Variants in H2BC18 observed in about 807,000 individuals in gnomAD.
The protein encoded by H2BC18 is H2B clustered histone 18.
In H2BC18, 8 loss-of-function variants were observed where a neutral mutation model predicts 6.3. That is an observed-to-expected ratio of 1.28 (90% CI 0.75 to 2.31). The LOEUF is 2.31. H2BC18 is among the 30% of genes most tolerant of loss of function. The pLI is 0.00. For missense variants in H2BC18, 106 were observed against 174.5 expected (o/e 0.61, Z 2.21); for synonymous variants, 104 against 78.1 (o/e 1.33, Z -1.75).
At chr1:149,793,550 T>C (rs2091763934) in intron 1 of H2BC18, among the ~76,000 whole-genome samples, 1 of 151,764 alleles carries the variant, frequency 6.6e-6, no homozygotes, top group Non-Finnish European at 1.5e-5. Context: ...GGGTCGGACT[T>C]AGAGGGGTGG....
intron 1 of H2BC18, chr1:149,803,827 T>G (rs1184478111): frequency 6.6e-6 from 1 of 152,260 alleles, no homozygotes; most frequent in Admixed American, 6.5e-5. Flanking sequence ...AAAGAAATCT[T>G]AAGGTCTTCG....
chr1:149,789,310 A>G (rs1553751331), intron 1 of H2BC18, among the ~76,000 whole-genome samples: 1 of 152,088 alleles, frequency 6.6e-6, no homozygotes, highest in African/African-American at 2.4e-5. Context: ...GGAGAATAGC[A>G]TGAACCCGGG....
At chr1:149,801,650 G>A (rs1362652075) in intron 1 of H2BC18, among the ~76,000 whole-genome samples, 10 of 149,002 alleles carry the variant, frequency 6.7e-5, no homozygotes, top group East Asian at 5.9e-4. Context: ...TACACTATAC[G>A]ATGGCATATC....
rs782055162 is a variant in H2BC18 at position 149,812,147 on chromosome 1, G to A, written c.177C>T (p.Ala59=). The part of the protein sequence containing the change: ...VHPDTGISSK[A]MGIMNSFVND... ...TGACGAAGGAGTTCATGATGCCCAT[G>A]GCCTTGGACGAGATGCCGGTGTCGG... Residue 59 remains alanine, a synonymous_variant, in exon 1 of 1, where the codon GCC becomes GCT. Transcript: ENST00000369167. 6 of 1,614,156 alleles carry A rather than the reference G, an allele frequency of 3.7e-6. No individual in the cohort carries two copies. In the African/African-American group the frequency reaches 5.3e-5, roughly 14 times the overall value.
At chr1:149,790,918 G>T (rs1435121068) in intron 1 of H2BC18, among the ~76,000 whole-genome samples, 10 of 143,812 alleles carry the variant, frequency 7.0e-5, no homozygotes, top group Middle Eastern at 3.5e-3. Flanking sequence ...AAGTCTCCTT[G>T]GGGGGGAAAA....
chr1:149,786,456 C>T (rs1171297642), intron 1 of H2BC18: 1 of 152,166 alleles, frequency 6.6e-6, no homozygotes, highest in Non-Finnish European at 1.5e-5. Flanking sequence ...TACAATACAC[C>T]AACATTTTTG....
At chr1:149,784,059 G>T in intron 1 of H2BC18, 3 of 1,610,748 alleles carry the variant, frequency 1.9e-6, no homozygotes, top group Non-Finnish European at 2.5e-6. Context: ...GTTCCAAGAG[G>T]AAACCGTAAC....
chr1:149,797,657 G>A (rs1410380037), intron 1 of H2BC18, among the ~76,000 whole-genome samples: 2 of 152,130 alleles, frequency 1.3e-5, no homozygotes, highest in Admixed American at 1.3e-4. Context: ...GAGTGCAGTG[G>A]CATGATCTCA....
intron 1 of H2BC18, chr1:149,789,908 G>T (rs1391437699): frequency 6.6e-7 from 1 of 1,514,676 alleles, no homozygotes; most frequent in African/African-American, 1.4e-5. Flanking sequence ...CCCAAGAATG[G>T]CTCTCTGCTG....
In H2BC18 at chr1:149,790,048, C is replaced by T. The variant is rs2091664423; in HGVS notation, c.378-6788G>A. On this transcript the variant is annotated intron_variant, in intron 1 of 1. Transcript: ENST00000545683. Reference sequence around the variant, plus strand: ...CAACCTTGTCCCCCATCAACTTTCTCCTTAGAGCTATTTCCAGCTCCAGTG... The same window carrying T: ...CAACCTTGTCCCCCATCAACTTTCTTCTTAGAGCTATTTCCAGCTCCAGTG... The T allele has an allele frequency of 1.9e-6, 3 of 1,613,332 alleles. No individual in the cohort carries two copies. The Admixed American group carries it at 5.0e-5, about 27-fold the overall frequency.
chr1:149,812,190 A>C lies in H2BC18; in HGVS notation c.134T>G (p.Val45Gly). 1.2e-6 allele frequency: 2 copies of C among 1,614,240 alleles called. No homozygotes were observed. The highest frequency in any genetic ancestry group is 1.7e-6 in the Non-Finnish European group (2 of 1,180,040). Residue 45 changes from valine to glycine, a missense_variant, in exon 1 of 1, where the codon GTG (valine) becomes GGG (glycine). Physicochemically the swap from Val to Gly is moderately radical, Grantham distance 109. Transcript: ENST00000369167. The stretch of plus-strand genomic sequence containing the variant: ...GGTGTCGGGGTGGACCTGCTTCAGC[A>C]CCTTGTACACGTAAACGGAGTAGCT... ...KESYSVYVYK[V>G]LKQVHPDTGI...
downstream of H2BC18, chr1:149,811,692 C>T (rs587755812): frequency 6.1e-5 from 37 of 611,392 alleles, no homozygotes; most frequent in Middle Eastern, 9.2e-4. Flanking sequence ...CCTTTCGAAT[C>T]TCGTAGCACA....
downstream of H2BC18, among the ~76,000 whole-genome samples, chr1:149,808,969 C>T (rs1321331994): frequency 1.3e-5 from 2 of 148,406 alleles, no homozygotes; most frequent in South Asian, 2.2e-4. Context: ...AGGAACTGCA[C>T]CCAGTTTTAA....
intron 1 of H2BC18, among the ~76,000 whole-genome samples, chr1:149,790,901 T>C (rs1297359659): frequency 1.3e-4 from 20 of 151,866 alleles, no homozygotes; most frequent in African/African-American, 1.9e-4. Context: ...TTGTGAGCTC[T>C]AGAACAAAGT....
intron 1 of H2BC18, among the ~76,000 whole-genome samples, chr1:149,789,497 G>C (rs2091645643): frequency 6.6e-6 from 1 of 152,200 alleles, no homozygotes; most frequent in Non-Finnish European, 1.5e-5. Context: ...AAAAGGGCAT[G>C]GTTACTGACC....
rs2091669741 is a variant in H2BC18 at position 149,790,255 on chromosome 1, A to G, written c.378-6995T>C. The G allele has an allele frequency of 2.5e-6, 4 of 1,603,550 alleles. No individual in the cohort carries two copies. In the African/African-American group the frequency reaches 4.0e-5, roughly 16 times the overall value. Reference sequence around the variant, plus strand: ...CAAATACTAACTGCTAGAAGAGAAGACTCTGGGTTATACTGGTGCGAGGCT... The same window carrying G: ...CAAATACTAACTGCTAGAAGAGAAGGCTCTGGGTTATACTGGTGCGAGGCT... On this transcript the variant is annotated intron_variant, in intron 1 of 1. Coordinates refer to the H2BC18 transcript ENST00000545683.
chr1:149,786,606 C>G (rs2091556704), intron 1 of H2BC18: 1 of 151,898 alleles, frequency 6.6e-6, no homozygotes, highest in South Asian at 2.1e-4. Flanking sequence ...GTTGGTGGAC[C>G]CGAGCCCTAA....
At chr1:149,785,903 A>G (rs1303447675) in intron 1 of H2BC18, 1 of 151,966 alleles carries the variant, frequency 6.6e-6, no homozygotes, top group African/African-American at 2.4e-5. Context: ...ATGGGACAGG[A>G]TGTACTCTTT....
chr1:149,789,357 C>T (rs587608333), intron 1 of H2BC18, among the ~76,000 whole-genome samples: 1 of 151,640 alleles, frequency 6.6e-6, no homozygotes, highest in African/African-American at 2.4e-5. Flanking sequence ...AGCGCCACTG[C>T]ACTCCAGCCT....
Sources: gnomAD v4.1 joint callset for allele counts (sites outside exome capture counted in the v4.1 genomes callset) on GRCh38, gnomAD v4.1.1 for gene constraint, MANE v1.5 for transcripts, NCBI Gene and HGNC (gene_info 2026-07-23, HGNC 2026-07-21) for gene names.